NRXN1: variants seen among roughly 807,000 people sequenced by gnomAD.
The protein encoded by NRXN1 is neurexin 1, also known as neurexin-1.
A neutral mutation model predicts 150.9 loss-of-function variants in NRXN1; 39 were observed. The observed-to-expected ratio is 0.26, with a 90% CI of 0.20 to 0.34. The LOEUF (loss-of-function observed/expected upper bound fraction) is 0.34, where lower values mean the gene tolerates loss of function less well. Ranked by LOEUF, NRXN1 falls within the 10% of genes least tolerant of loss-of-function variation. The probability of loss-of-function intolerance (pLI) is 1.00; values close to 1 mark genes in which losing one functional copy is unlikely to be tolerated. For synonymous variants in NRXN1, 924 were observed against 757.0 expected (o/e 1.22, Z -3.62); for missense variants, 1,815 against 1,949.9 (o/e 0.93, Z 1.30).
intron 18 of NRXN1, among the ~76,000 whole-genome samples, chr2:50,202,269 G>A (rs1442589795): frequency 6.6e-6 from 1 of 152,226 alleles, no homozygotes; most frequent in South Asian, 2.1e-4. Context: ...CACTTTTGGA[G>A]GCAGAGGCAG....
chr2:50,517,335 T>C (rs6722389), intron 12 of NRXN1, among the ~76,000 whole-genome samples: 130,584 of 152,062 alleles, frequency 0.86, 56,364 homozygotes, highest in African/African-American at 0.92. Flanking sequence ...GAAAATATGA[T>C]ATAGCTCAGT....
chr2:50,939,530 T>C (rs1010986651), intron 2 of NRXN1, among the ~76,000 whole-genome samples: 1 of 152,112 alleles, frequency 6.6e-6, no homozygotes, highest in Non-Finnish European at 1.5e-5. Flanking sequence ...ATTAGATTAC[T>C]GACATTTTAG....
intron 5 of NRXN1, chr2:50,739,155 G>C (rs188912756): frequency 1.2e-5 from 4 of 328,258 alleles, no homozygotes; most frequent in South Asian, 2.5e-5. Context: ...CAAATCTGTA[G>C]ATGTCAAAAA....
At chr2:50,628,904 T>TATC (rs1182688468) in intron 5 of NRXN1, among the ~76,000 whole-genome samples, 1 of 151,698 alleles carries the variant, frequency 6.6e-6, no homozygotes. Flanking sequence ...TATAAAAGGC[T>TATC]ATCTTCAAAG....
chr2:50,587,087 G>T (rs1422868092), intron 8 of NRXN1, among the ~76,000 whole-genome samples: 1 of 152,270 alleles, frequency 6.6e-6, no homozygotes, highest in Non-Finnish European at 1.5e-5. Context: ...GACCTTGGGC[G>T]AGACACAATC....
chr2:50,439,202 T>C (rs1403452252), intron 17 of NRXN1, among the ~76,000 whole-genome samples: 1 of 152,238 alleles, frequency 6.6e-6, no homozygotes, highest in East Asian at 1.9e-4. Context: ...AATGCAGTTG[T>C]AGCTAGGTTG....
intron 2 of NRXN1, among the ~76,000 whole-genome samples, chr2:50,977,299 AG>A (rs1034655333): frequency 6.6e-6 from 1 of 151,878 alleles, no homozygotes; most frequent in Non-Finnish European, 1.5e-5. Flanking sequence ...ATATTTCATA[AG>A]GAAAGAAAAT....
intron 12 of NRXN1, among the ~76,000 whole-genome samples, chr2:50,510,518 AAAAGAAAAGAAAG>A (rs1389117723): frequency 1.8e-3 from 270 of 149,108 alleles, no homozygotes; most frequent in African/African-American, 6.3e-3. Context: ...AAAAAACCAC[AAAAGAAAAGAAAG>A]AAAGAAAAGA....
intron 5 of NRXN1, among the ~76,000 whole-genome samples, chr2:50,710,141 G>A (rs1034334927): frequency 6.6e-6 from 1 of 152,120 alleles, no homozygotes; most frequent in African/African-American, 2.4e-5. Flanking sequence ...GGTGAACAGG[G>A]AGCTTTCAAA....
intron 5 of NRXN1, chr2:50,917,843 G>A (rs1057508203): frequency 1.8e-4 from 27 of 151,074 alleles, no homozygotes; most frequent in Non-Finnish European, 3.4e-4. Flanking sequence ...AATGGACTAA[G>A]ACAAAGACAA....
intron 9 of NRXN1, among the ~76,000 whole-genome samples, chr2:50,547,954 CATATGTTAGAAATA>C (rs1314537564): frequency 1.3e-5 from 2 of 152,098 alleles, no homozygotes; most frequent in Non-Finnish European, 2.9e-5. Context: ...GAAGAAGGAA[CATATGTTAGAAATA>C]ACCAGTTACA....
intron 17 of NRXN1, among the ~76,000 whole-genome samples, chr2:50,248,819 T>C (rs1037186977): frequency 2.0e-5 from 3 of 152,194 alleles, no homozygotes; most frequent in African/African-American, 4.8e-5. Flanking sequence ...AGAGGGAAAC[T>C]AGTGTAAACA....
At chr2:50,176,550 A>G (rs1452611507) in intron 18 of NRXN1, among the ~76,000 whole-genome samples, 1 of 152,096 alleles carries the variant, frequency 6.6e-6, no homozygotes, top group Non-Finnish European at 1.5e-5. Context: ...ATACCCTGGG[A>G]GCAACATAAT....
At chr2:49,944,102 A>C (rs558973911) in intron 21 of NRXN1, among the ~76,000 whole-genome samples, 61 of 152,336 alleles carry the variant, frequency 4.0e-4, no homozygotes, top group African/African-American at 1.3e-3. Context: ...CCTGGCAGAA[A>C]CAGATGATTT....
intron 18 of NRXN1, among the ~76,000 whole-genome samples, chr2:50,165,441 C>T (rs1303852411): frequency 6.6e-6 from 1 of 152,164 alleles, no homozygotes. Flanking sequence ...CTCCGCCTGC[C>T]GAGTTCAAGC....
At chr2:50,373,151 T>G (rs867975619) in intron 17 of NRXN1, among the ~76,000 whole-genome samples, 50 of 151,560 alleles carry the variant, frequency 3.3e-4, no homozygotes, top group African/African-American at 1.1e-3. Flanking sequence ...GATCTCATTC[T>G]CCTCTATGAG....
intron 17 of NRXN1, among the ~76,000 whole-genome samples, chr2:50,349,216 A>G (rs1298803636): frequency 2.6e-5 from 4 of 152,184 alleles, no homozygotes; most frequent in African/African-American, 9.7e-5. Context: ...AGCCTTGCTA[A>G]ACATGATGCT....
At chr2:49,997,181 T>C (rs977676535) in intron 21 of NRXN1, among the ~76,000 whole-genome samples, 7 of 152,080 alleles carry the variant, frequency 4.6e-5, no homozygotes, top group African/African-American at 1.7e-4. Flanking sequence ...GAGATGGAAA[T>C]TCATGCCTCC....
At chr2:50,534,382 C>A (rs2093198742) in intron 10 of NRXN1, among the ~76,000 whole-genome samples, 1 of 152,080 alleles carries the variant, frequency 6.6e-6, no homozygotes, top group Admixed American at 6.6e-5. Context: ...AAAATATGGT[C>A]TTTCAAAAAT....
Sources: gnomAD v4.1 joint callset for allele counts (sites outside exome capture counted in the v4.1 genomes callset) on GRCh38, gnomAD v4.1.1 for gene constraint, MANE v1.5 for transcripts, NCBI Gene and HGNC (gene_info 2026-07-23, HGNC 2026-07-21) for gene names.